GALR3: variants seen among roughly 807,000 people sequenced by gnomAD.
GALR3 encodes galanin receptor type 3.
Under a neutral mutation model 6.9 loss-of-function variants are expected in GALR3, and 5 were observed. The ratio of observed to expected loss-of-function variants is 0.72; its 90% CI spans 0.38 to 1.52. GALR3 has a LOEUF of 1.52. Among genes scored for constraint, GALR3 ranks in the 40% most tolerant of loss-of-function variants. The pLI, the probability that GALR3 is intolerant of heterozygous loss-of-function variation, is 0.03. For missense variants in GALR3, 570 were observed against 545.6 expected (o/e 1.04, Z -0.44); for synonymous variants, 308 against 263.6 (o/e 1.17, Z -1.63).
chr22:37,825,212 C>G lies in GALR3; in HGVS notation c.849C>G (p.Asn283Lys), dbSNP rs777043323. Residue 283 changes from asparagine to lysine, a missense_variant, in exon 2 of 2, where the codon AAC (asparagine) becomes AAG (lysine). By Grantham distance (94) the Asn-to-Lys change is moderately conservative. Transcript: ENST00000249041. Reference sequence around the variant, plus strand: ...CCTCACACTGCCTGGCCTACGCCAACTCCTGCCTCAACCCGCTCGTCTACG... The same window carrying G: ...CCTCACACTGCCTGGCCTACGCCAAGTCCTGCCTCAACCCGCTCGTCTACG... Reference protein sequence around the residue: ...RLASHCLAYANSCLNPLVYAL... With the variant: ...RLASHCLAYAKSCLNPLVYAL... The G allele has an allele frequency of 1.4e-6, 2 of 1,477,396 alleles. No homozygotes were observed. The highest frequency in any genetic ancestry group is 4.0e-5 in the Admixed American group (2 of 50,002). The allele number at this position is 1,477,396 out of a possible 1,614,324, so 91.5% of individuals were successfully genotyped here.
At position 37,824,878 on chromosome 22, in the gene GALR3, G is replaced by C; in HGVS notation, c.515G>C (p.Cys172Ser). Residue 172 changes from cysteine (C) to serine (S), a missense_variant, in exon 2 of 2, where the codon TGC becomes TCC. Physicochemically the swap from Cys to Ser is moderately radical, Grantham distance 112. Transcript: ENST00000249041. ...GTGCGCTACGGCGCGCTGGAGCTCT[G>C]CGTGCCCGCCTGGGAGGACGCGCGC... ...GTVRYGALELCVPAWEDARRR... is the reference protein window; with the variant it reads ...GTVRYGALELSVPAWEDARRR... 1 of 1,398,406 alleles carries C rather than the reference G, an allele frequency of 7.2e-7. No homozygotes were observed. The highest frequency in any genetic ancestry group is 9.3e-7 in the Non-Finnish European group (1 of 1,072,532). 86.6% of individuals were successfully genotyped at this position (1,398,406 alleles called of 1,614,324 possible).
chr22:37,824,127 T>TG (rs1042158572), intron 1 of GALR3, among the ~76,000 whole-genome samples: 10 of 135,552 alleles, frequency 7.4e-5, no homozygotes, highest in East Asian at 3.9e-4. Flanking sequence ...GTTTTGTTGT[T>TG]TTTTTTTTTT....
chr22:37,823,559 G>A lies in GALR3; in HGVS notation c.153G>A (p.Gln51=). 1 of 1,613,570 alleles carries A rather than the reference G, an allele frequency of 6.2e-7. No homozygotes were observed. Among genetic ancestry groups the A allele is most frequent in the South Asian group, 1.1e-5 (1 of 91,074 alleles). ...VLLQPGPSAW[Q]EPGSTTDLFI... ...TGCAGCCTGGCCCGAGTGCCTGGCA[G>A]GAGCCTGGCAGCACCACGGACCTGT... Residue 51 remains glutamine, a synonymous_variant, in exon 1 of 2, where the codon CAG becomes CAA. Transcript: ENST00000249041.
In GALR3 at chr22:37,824,760, C is replaced by T. The variant is rs1256437423; in HGVS notation, c.397C>T (p.Leu133=). Residue 133 remains leucine, a synonymous_variant, in exon 2 of 2, where the codon CTG becomes TTG. Coordinates refer to ENST00000249041, the MANE Select transcript of GALR3 (RefSeq NM_003614.2). The stretch of plus-strand genomic sequence containing the variant: ...GCGGCACCCGCTGCGCTCGCGCGCC[C>T]TGCGCACGCCGCGTAACGCCCGCGC... The part of the protein sequence containing the change: ...AVRHPLRSRA[L]RTPRNARAAV... 25 of 1,265,014 alleles carry T rather than the reference C, an allele frequency of 2.0e-5. 1 individual carries two copies. Among genetic ancestry groups the T allele is most frequent in the Non-Finnish European group, 6.0e-6 (6 of 1,007,748 alleles). The allele number at this position is 1,265,014 out of a possible 1,614,324, so 78.4% of individuals were successfully genotyped here.
chr22:37,825,178 G>A lies in GALR3; in HGVS notation c.815G>A (p.Cys272Tyr), dbSNP rs1398988311. ...RFAFSPATYA[C>Y]RLASHCLAYA... ...GCCTTCAGCCCGGCCACCTACGCCT[G>A]CCGCCTGGCCTCACACTGCCTGGCC... Residue 272 changes from cysteine (C) to tyrosine (Y), a missense_variant, in exon 2 of 2, where the codon TGC (cysteine) becomes TAC (tyrosine). By Grantham distance (194) the Cys-to-Tyr change is radical. Transcript: ENST00000249041. The A allele has an allele frequency of 2.7e-6, 4 of 1,491,562 alleles. No homozygotes were observed. The African/African-American group carries it at 4.4e-5, about 16-fold the overall frequency. 92.4% of individuals were successfully genotyped at this position (1,491,562 alleles called of 1,614,324 possible). A position where few individuals can be genotyped will look rare whatever the true frequency, so the allele number is the denominator to read the frequency against.
intron 1 of GALR3, 59 bp from the exon 2 acceptor site, chr22:37,824,652 GGGCGCGGGACGT>G (rs1327057268): frequency 1.3e-5 from 13 of 988,598 alleles, no homozygotes; most frequent in Non-Finnish European, 1.7e-5. Flanking sequence ...CGCAGGGCCC[GGGCGCGGGACGT>G]GGCGCGGGCC....
At position 37,825,454 on chromosome 22, in the gene GALR3, C is replaced by A; in HGVS notation, c.1091C>A (p.Ala364Asp). 7.3e-7 allele frequency: 1 copy of A among 1,373,038 alleles called. No individual in the cohort carries two copies. Among genetic ancestry groups the A allele is most frequent in the Non-Finnish European group, 9.4e-7 (1 of 1,060,536 alleles). The allele number at this position is 1,373,038 out of a possible 1,614,324, so 85.1% of individuals were successfully genotyped here. A position where few individuals can be genotyped will look rare whatever the true frequency, so the allele number is the denominator to read the frequency against. Residue 364 changes from alanine (A) to aspartate (D), a missense_variant, in exon 2 of 2, where the codon GCC (alanine) becomes GAC (aspartate). By Grantham distance (126) the Ala-to-Asp change is moderately radical (BLOSUM62 -2). Coordinates refer to ENST00000249041, the MANE Select transcript of GALR3 (RefSeq NM_003614.2). ...REGPVHGGEA[A>D]RGPE ...GGACCCGTCCACGGCGGAGAGGCTGCCCGAGGACCGGAATAAACCCTGCCG... is the reference window on the plus strand; with the variant it reads ...GGACCCGTCCACGGCGGAGAGGCTGACCGAGGACCGGAATAAACCCTGCCG...
rs1601709370 is a variant in GALR3, at chr22:37,823,727, C to T, written c.321C>T (p.Tyr107=). 6 of 1,612,418 alleles carry T rather than the reference C, an allele frequency of 3.7e-6. No individual in the cohort carries two copies. The highest frequency in any genetic ancestry group is 2.2e-5 in the East Asian group (1 of 44,882). ...AVHLLIYLTM[Y]ASSFTLAAVS... ...ACCTGCTCATCTACCTCACCATGTA[C>T]GCCAGCAGCTTTACGCTGGCTGCTG... The change falls in exon 1 of 2, where the codon TAC becomes TAT. Residue 107 remains tyrosine (Y), a synonymous_variant. Coordinates refer to ENST00000249041, the MANE Select transcript of GALR3 (RefSeq NM_003614.2).
In GALR3 at chr22:37,825,235, A is replaced by G. The variant is rs1257995291; in HGVS notation, c.872A>G (p.Tyr291Cys). 1.4e-6 allele frequency: 2 copies of G among 1,462,644 alleles called. No homozygotes were observed. The highest frequency in any genetic ancestry group is 1.5e-5 in the African/African-American group (1 of 68,324). The allele number at this position is 1,462,644 out of a possible 1,614,324, so 90.6% of individuals were successfully genotyped here. The part of the protein sequence containing the change: ...YANSCLNPLV[Y>C]ALASRHFRAR... Reference sequence around the variant, plus strand: ...AACTCCTGCCTCAACCCGCTCGTCTACGCGCTCGCCTCGCGCCACTTCCGC... The same window carrying G: ...AACTCCTGCCTCAACCCGCTCGTCTGCGCGCTCGCCTCGCGCCACTTCCGC... The change falls in exon 2 of 2, where the codon TAC (tyrosine) becomes TGC (cysteine). Residue 291 changes from tyrosine to cysteine, a missense_variant. Physicochemically the swap from Tyr to Cys is radical, Grantham distance 194. Transcript: ENST00000249041.
intron 1 of GALR3, 145 bp downstream of exon 1, chr22:37,823,910 AC>A (rs1200396064): frequency 4.9e-6 from 3 of 607,224 alleles, no homozygotes; most frequent in Non-Finnish European, 8.7e-6. Flanking sequence ...AAGCTCCCTG[AC>A]CCCTCGCAAG....
rs1922544654 is a variant in GALR3, at chr22:37,824,736, C to A, written c.373C>A (p.Arg125=). 4 of 1,227,916 alleles carry A rather than the reference C, an allele frequency of 3.3e-6. No individual in the cohort carries two copies. In the South Asian group the frequency reaches 9.9e-5, roughly 31 times the overall value. The allele number at this position is 1,227,916 out of a possible 1,614,324, so 76.1% of individuals were successfully genotyped here. The change falls in exon 2 of 2, where the codon CGG becomes AGG. Residue 125 remains arginine, a synonymous_variant. Transcript: ENST00000249041. ...CGCCCTCCGCAGGTACCTGGCCGTGCGGCACCCGCTGCGCTCGCGCGCCCT... is the reference window on the plus strand; with the variant it reads ...CGCCCTCCGCAGGTACCTGGCCGTGAGGCACCCGCTGCGCTCGCGCGCCCT... The part of the protein sequence containing the change: ...AVSVDRYLAV[R]HPLRSRALRT...
At chr22:37,824,695 C>A in intron 1 of GALR3, 28 bp from the exon 2 acceptor site, 1 of 1,188,696 alleles carries the variant, frequency 8.4e-7, no homozygotes, top group East Asian at 3.6e-5. Flanking sequence ...GGCACCTGCC[C>A]GCCCCGCTGA....
Position 37,825,134 on chromosome 22 carries a change from C to T in GALR3, c.771C>T (p.Cys257=), listed in dbSNP as rs117618411. 0.036 allele frequency: 52,391 copies of T among 1,463,906 alleles called. 1,129 individuals are homozygous for T. Among genetic ancestry groups the T allele is most frequent in the Non-Finnish European group, 0.042 (46,546 of 1,100,706 alleles). 90.7% of individuals were successfully genotyped at this position (1,463,906 alleles called of 1,614,324 possible). A position where few individuals can be genotyped will look rare whatever the true frequency, so the allele number is the denominator to read the frequency against. ...GTCCGCACCACGCGCTCATCCTGTG[C>T]TTCTGGTACGGCCGCTTCGCCTTCA... The part of the protein sequence containing the change: ...CWGPHHALIL[C]FWYGRFAFSP... Residue 257 remains cysteine, a synonymous_variant, in exon 2 of 2, where the codon TGC becomes TGT. Coordinates refer to ENST00000249041, the MANE Select transcript of GALR3 (RefSeq NM_003614.2).
chr22:37,823,782 G>T lies in GALR3; in HGVS notation c.359+17G>T, dbSNP rs373755442. ...CGTGGACAGGTGCGCTGTGCCTGGG[G>T]CCTGGCTGGGCAGGGCTGTGGGGGC... On this transcript the variant is annotated intron_variant, in intron 1 of 1. Transcript: ENST00000249041. 50 of 1,490,082 alleles carry T rather than the reference G, an allele frequency of 3.4e-5. No homozygotes were observed. Among genetic ancestry groups the T allele is most frequent in the Non-Finnish European group, 4.4e-5 (47 of 1,078,536 alleles). 92.3% of individuals were successfully genotyped at this position (1,490,082 alleles called of 1,614,324 possible).
In GALR3 at chr22:37,823,706, G is replaced by A. The variant is rs1922511159; in HGVS notation, c.300G>A (p.Leu100=). ...CCCTCGTCTGCAAGGCCGTGCACCTGCTCATCTACCTCACCATGTACGCCA... is the reference window on the plus strand; with the variant it reads ...CCCTCGTCTGCAAGGCCGTGCACCTACTCATCTACCTCACCATGTACGCCA... ...FGALVCKAVH[L]LIYLTMYASS... The change falls in exon 1 of 2, where the codon CTG becomes CTA. Residue 100 remains leucine (L), a synonymous_variant. Transcript: ENST00000249041. 3 of 1,613,464 alleles carry A rather than the reference G, an allele frequency of 1.9e-6. No homozygotes were observed. The highest frequency in any genetic ancestry group is 2.7e-5 in the African/African-American group (2 of 74,888).
intron 1 of GALR3, among the ~76,000 whole-genome samples, chr22:37,824,128 T>G (rs1328478596): frequency 2.0e-5 from 3 of 151,384 alleles, no homozygotes; most frequent in East Asian, 1.9e-4. Flanking sequence ...TTTTGTTGTT[T>G]TTTTTTTTTG....
At position 37,823,658 on chromosome 22, in the gene GALR3, G is replaced by A. The variant is rs760889976; in HGVS notation, c.252G>A (p.Thr84=). 1.9e-6 allele frequency: 3 copies of A among 1,613,994 alleles called. No homozygotes were observed. Among genetic ancestry groups the A allele is most frequent in the South Asian group, 1.1e-5 (1 of 91,076 alleles). The change falls in exon 1 of 2, where the codon ACG becomes ACA. Residue 84 remains threonine (T), a synonymous_variant. Transcript: ENST00000249041. ...CCVPFQATIY[T]LDAWLFGALV... ...TGCCCTTCCAGGCCACCATCTACACGCTGGATGCCTGGCTCTTTGGGGCCC... is the reference window on the plus strand; with the variant it reads ...TGCCCTTCCAGGCCACCATCTACACACTGGATGCCTGGCTCTTTGGGGCCC...
Position 37,823,762 on chromosome 22 carries a change from A to T in GALR3, c.356A>T (p.Asp119Val), listed in dbSNP as rs1290862713. The T allele has an allele frequency of 5.0e-6, 8 of 1,589,132 alleles. No homozygotes were observed. Among genetic ancestry groups the T allele is most frequent in the South Asian group, 2.2e-5 (2 of 90,168 alleles). Residue 119 changes from aspartate (D) to valine (V), a missense_variant, in exon 1 of 2, where the codon GAC (aspartate) becomes GTC (valine). By Grantham distance (152) the Asp-to-Val change is radical (BLOSUM62 -3). Coordinates refer to ENST00000249041, the MANE Select transcript of GALR3 (RefSeq NM_003614.2). ...SSFTLAAVSV[D>V]RYLAVRHPLR... ...TTTACGCTGGCTGCTGTCTCCGTGGACAGGTGCGCTGTGCCTGGGGCCTGG... is the reference window on the plus strand; with the variant it reads ...TTTACGCTGGCTGCTGTCTCCGTGGTCAGGTGCGCTGTGCCTGGGGCCTGG...
At position 37,825,412 on chromosome 22, in the gene GALR3, G is replaced by A. The variant is rs1333339125; in HGVS notation, c.1049G>A (p.Gly350Asp). The A allele has an allele frequency of 1.4e-6, 2 of 1,399,126 alleles. No homozygotes were observed. The highest frequency in any genetic ancestry group is 3.0e-5 in the African/African-American group (2 of 67,400). 86.7% of individuals were successfully genotyped at this position (1,399,126 alleles called of 1,614,324 possible). A position where few individuals can be genotyped will look rare whatever the true frequency, so the allele number is the denominator to read the frequency against. ...AGGCTGCTGGCTGGTGGCGGCCAGG[G>A]CCCGGAGCCCAGGGAGGGACCCGTC... ...SGRLLAGGGQ[G>D]PEPREGPVHG... The change falls in exon 2 of 2, where the codon GGC (glycine) becomes GAC (aspartate). Residue 350 changes from glycine to aspartate, a missense_variant. Physicochemically the swap from Gly to Asp is moderately conservative, Grantham distance 94. Transcript: ENST00000249041.
Sources: gnomAD v4.1 joint callset for allele counts (sites outside exome capture counted in the v4.1 genomes callset) on GRCh38, gnomAD v4.1.1 for gene constraint, MANE v1.5 for transcripts, NCBI Gene and HGNC (gene_info 2026-07-23, HGNC 2026-07-21) for gene names.